The following SH3BP5 variants were observed in gnomAD, a reference collection of about 807,000 sequenced individuals.
SH3BP5 encodes the protein SH3 domain binding protein 5.
In SH3BP5, 22 loss-of-function variants were observed where a neutral mutation model predicts 43.3. That is an observed-to-expected ratio of 0.51 (90% CI 0.36 to 0.73). SH3BP5 has a LOEUF of 0.73. SH3BP5 is among the 30% of genes least tolerant of loss of function. The probability of loss-of-function intolerance (pLI) is 0.00; values close to 1 mark genes in which losing one functional copy is unlikely to be tolerated. For missense variants in SH3BP5, 529 were observed against 586.9 expected (o/e 0.90, Z 1.02); for synonymous variants, 255 against 225.8 (o/e 1.13, Z -1.16).
At chr3:15,315,232 C>T (rs1044242616) in intron 2 of SH3BP5, among the ~76,000 whole-genome samples, 2 of 152,040 alleles carry the variant, frequency 1.3e-5, no homozygotes, top group African/African-American at 2.4e-5. Context: ...GGTTTCCCTA[C>T]GCATCAGAGC....
chr3:15,311,717 C>G (rs891100840), intron 2 of SH3BP5, among the ~76,000 whole-genome samples: 11 of 152,052 alleles, frequency 7.2e-5, no homozygotes, highest in Admixed American at 6.6e-4. Context: ...CTCTGTTACC[C>G]AAGCTGGATG....
intron 2 of SH3BP5, among the ~76,000 whole-genome samples, chr3:15,313,261 A>C (rs918379339): frequency 1.3e-5 from 2 of 152,246 alleles, no homozygotes; most frequent in Non-Finnish European, 1.5e-5. Context: ...ATGTCTCAAA[A>C]AAATTCTGAA....
At chr3:15,306,244 A>T (rs891882743) in intron 2 of SH3BP5, among the ~76,000 whole-genome samples, 11 of 152,154 alleles carry the variant, frequency 7.2e-5, no homozygotes, top group Admixed American at 3.3e-4. Flanking sequence ...CTGTAGTCCC[A>T]GCTACTTGGG....
At chr3:15,313,528 C>A (rs137942987) in intron 2 of SH3BP5, among the ~76,000 whole-genome samples, 23 of 152,208 alleles carry the variant, frequency 1.5e-4, no homozygotes, top group Admixed American at 3.9e-4. Context: ...ATGGCAAAAA[C>A]CACAATTACT....
At chr3:15,322,984 C>A (rs1464483381) in intron 2 of SH3BP5, among the ~76,000 whole-genome samples, 1 of 151,796 alleles carries the variant, frequency 6.6e-6, no homozygotes, top group Non-Finnish European at 1.5e-5. Context: ...ACCAAAAACA[C>A]AAAAATTAGC....
At chr3:15,289,246 G>GT (rs2125091025) in intron 3 of SH3BP5, among the ~76,000 whole-genome samples, 2 of 152,328 alleles carry the variant, frequency 1.3e-5, no homozygotes, top group South Asian at 2.1e-4. Context: ...AAGACTCCAA[G>GT]TCAAGCCTCC....
chr3:15,323,159 T>G (rs1009367584), intron 2 of SH3BP5, among the ~76,000 whole-genome samples: 1 of 151,550 alleles, frequency 6.6e-6, no homozygotes, highest in African/African-American at 2.4e-5. Flanking sequence ...AATAAATAAA[T>G]AAATAAAGCA....
rs190570938 is a variant in SH3BP5, at chr3:15,294,091, A to G, written c.330+10012T>C. Among the ~76,000 whole-genome samples the G allele has an allele frequency of 6.9e-3, 1,045 of 151,576 alleles. 13 individuals are homozygous for G. The highest frequency in any genetic ancestry group is 0.024 in the African/African-American group (988 of 41,340). On this transcript the variant is annotated intron_variant, in intron 3 of 8. Transcript: ENST00000383791. The stretch of plus-strand genomic sequence containing the variant: ...AGTCTCCATCTCAAAAAAAAAAAAA[A>G]AAAAGAAAAGAAACAAGAAAAAGAA...
At position 15,257,005 on chromosome 3, in the gene SH3BP5, TCA is replaced by T. The variant is rs1696231396; in HGVS notation, c.996_997del (p.Glu333AspfsTer3). The T allele has an allele frequency of 1.9e-6, 3 of 1,614,216 alleles. No homozygotes were observed. The highest frequency in any genetic ancestry group is 2.5e-6 in the Non-Finnish European group (3 of 1,180,032). The stretch of plus-strand genomic sequence containing the variant: ...AACCGCAGGGAACTGGTCAGGCATC[TCA>T]GACGGGCTTGTTGGTCCTGAACTAA... On this transcript the variant is annotated frameshift_variant, in exon 8 of 9. Coordinates refer to ENST00000383791, the MANE Select transcript of SH3BP5 (RefSeq NM_004844.5). LOFTEE classifies it high-confidence loss of function.
At chr3:15,294,671 G>C (rs1460690701) in intron 3 of SH3BP5, among the ~76,000 whole-genome samples, 1 of 152,108 alleles carries the variant, frequency 6.6e-6, no homozygotes, top group Non-Finnish European at 1.5e-5. Context: ...CCCCCGCACA[G>C]AGCAGTGTGT....
intron 3 of SH3BP5, among the ~76,000 whole-genome samples, chr3:15,292,467 C>A (rs1447752652): frequency 6.6e-6 from 1 of 152,188 alleles, no homozygotes; most frequent in Non-Finnish European, 1.5e-5. Flanking sequence ...CTGGCTAAGA[C>A]CTGCCTGCAA....
intron 3 of SH3BP5, among the ~76,000 whole-genome samples, chr3:15,300,005 T>A (rs996932374): frequency 1.3e-5 from 2 of 152,160 alleles, no homozygotes; most frequent in East Asian, 3.8e-4. Context: ...TACCTGATGC[T>A]CCATCACCCC....
rs1697601928 is a variant in SH3BP5 at position 15,297,217 on chromosome 3, G to A, written c.330+6886C>T. Among the ~76,000 whole-genome samples the A allele has an allele frequency of 2.0e-5, 3 of 152,130 alleles. No homozygotes were observed. In the South Asian group the frequency reaches 6.2e-4, roughly 31 times the overall value. Reference sequence around the variant, plus strand: ...TTTTGATCAGTCAAAAGGTAAGTCAGCTACTCCCTCCCTCATCATTTTCGA... The same window carrying A: ...TTTTGATCAGTCAAAAGGTAAGTCAACTACTCCCTCCCTCATCATTTTCGA... On this transcript the variant is annotated intron_variant, in intron 3 of 8. Coordinates refer to ENST00000383791, the MANE Select transcript of SH3BP5 (RefSeq NM_004844.5).
chr3:15,332,695 C>A (rs1698648494), upstream of SH3BP5: 3 of 1,116,988 alleles, frequency 2.7e-6, no homozygotes, highest in Non-Finnish European at 3.3e-6. Context: ...CTATCCAGGT[C>A]TCCGTCGCAA....
At chr3:15,329,313 T>C (rs1698542551) in intron 2 of SH3BP5, among the ~76,000 whole-genome samples, 1 of 152,238 alleles carries the variant, frequency 6.6e-6, no homozygotes, top group Non-Finnish European at 1.5e-5. Flanking sequence ...AGAGTTTTGT[T>C]GTTTAATGCA....
intron 7 of SH3BP5, chr3:15,258,038 T>C (rs900621061): frequency 2.0e-5 from 3 of 152,258 alleles, no homozygotes; most frequent in African/African-American, 7.2e-5. Context: ...TGAGATGATG[T>C]ATATATTAAA....
chr3:15,266,065 C>T (rs1238951466), intron 4 of SH3BP5, among the ~76,000 whole-genome samples: 1 of 152,184 alleles, frequency 6.6e-6, no homozygotes, highest in East Asian at 1.9e-4. Context: ...ATCTCCAGGG[C>T]CTTTGCACCC....
intron 3 of SH3BP5, among the ~76,000 whole-genome samples, chr3:15,297,708 C>T (rs1394728098): frequency 1.3e-5 from 2 of 152,054 alleles, no homozygotes; most frequent in African/African-American, 2.4e-5. Flanking sequence ...AATGACCAGG[C>T]TAGCCTGGTG....
intron 3 of SH3BP5, among the ~76,000 whole-genome samples, chr3:15,274,235 G>A (rs1696897034): frequency 6.6e-6 from 1 of 150,504 alleles, no homozygotes; most frequent in Admixed American, 6.6e-5. Context: ...GACAGAGCAA[G>A]ACTCTAGCTC....
Sources: gnomAD v4.1 joint callset for allele counts (sites outside exome capture counted in the v4.1 genomes callset) on GRCh38, gnomAD v4.1.1 for gene constraint, MANE v1.5 for transcripts, NCBI Gene and HGNC (gene_info 2026-07-23, HGNC 2026-07-21) for gene names.